Variants in SP140 observed in about 807,000 individuals in gnomAD.
The protein encoded by SP140 is SP140 nuclear body protein.
In SP140, 81 loss-of-function variants were observed where a neutral mutation model predicts 125.0. That is an observed-to-expected ratio of 0.65 (90% CI 0.54 to 0.78). The LOEUF is 0.78. Among genes scored for constraint, SP140 ranks in the 30% least tolerant of loss-of-function variants. The pLI, the probability that SP140 is intolerant of heterozygous loss-of-function variation, is 0.00. For synonymous variants in SP140, 312 were observed against 354.0 expected (o/e 0.88, Z 1.33); for missense variants, 858 against 1,037.0 (o/e 0.83, Z 2.37).
At chr2:230,286,674 A>G (rs531916302) in intron 17 of SP140, among the ~76,000 whole-genome samples, 1 of 152,330 alleles carries the variant, frequency 6.6e-6, no homozygotes, top group East Asian at 1.9e-4. Context: ...ATGTGAGTGA[A>G]GGGCTGAACC....
At chr2:230,262,106 A>C (rs2052371130) in intron 12 of SP140, among the ~76,000 whole-genome samples, 1 of 152,080 alleles carries the variant, frequency 6.6e-6, no homozygotes. Flanking sequence ...GGTAATGTTT[A>C]AATTACCATT....
In SP140 at chr2:230,285,822, C is replaced by T. The variant is rs371822208; in HGVS notation, c.1635C>T (p.Ser545=). The change falls in exon 17 of 27, where the codon TCC becomes TCT. Residue 545 remains serine, a synonymous_variant. Transcript: ENST00000392045. The part of the protein sequence containing the change: ...KKANVNLKDL[S]KIRGRKRGKP... ...CGAACGTGAATCTGAAAGACCTTTC[C>T]AAGATTAGGGGTAAGATAAAGTTTG... is the stretch of plus-strand genomic sequence containing the variant. 109 of 1,611,664 alleles carry T rather than the reference C, an allele frequency of 6.8e-5. No individual in the cohort carries two copies. The highest frequency in any genetic ancestry group is 8.7e-5 in the Non-Finnish European group (103 of 1,177,994).
chr2:230,287,813 A>G, intron 17 of SP140, 79 bp from the exon 18 acceptor site: 1 of 1,244,108 alleles, frequency 8.0e-7, no homozygotes, highest in African/African-American at 1.5e-5. Context: ...TTACATTTAA[A>G]TGGAATTTTT....
chr2:230,291,323 A>G (rs1434641150), intron 19 of SP140, among the ~76,000 whole-genome samples: 4 of 152,202 alleles, frequency 2.6e-5, no homozygotes, highest in Non-Finnish European at 5.9e-5. Flanking sequence ...TAGAGTGTAC[A>G]AATCAACTTT....
Position 230,294,309 on chromosome 2 carries a change from G to GA in SP140, c.2015dup (p.Arg673GlufsTer9), listed in dbSNP as rs746109620. Reference sequence around the variant, plus strand: ...CTGATCCTCCAAGAATACGTTACAGGAAAAAAAAGGTGATTATTACATAGC... The same window carrying GA: ...CTGATCCTCCAAGAATACGTTACAGGAAAAAAAAAGGTGATTATTACATAGC... On this transcript the variant is annotated frameshift_variant, in exon 21 of 27. Coordinates refer to ENST00000392045, the MANE Select transcript of SP140 (RefSeq NM_007237.5). LOFTEE classifies it high-confidence loss of function. 57 of 1,605,736 alleles carry GA rather than the reference G, an allele frequency of 3.5e-5. No homozygotes were observed. The highest frequency in any genetic ancestry group is 4.5e-5 in the East Asian group (2 of 44,788).
chr2:230,307,607 A>G (rs2058882295), intron 22 of SP140, among the ~76,000 whole-genome samples: 1 of 152,222 alleles, frequency 6.6e-6, no homozygotes, highest in Non-Finnish European at 1.5e-5. Context: ...GCCAGTGCTC[A>G]TGCCAGCACC....
At chr2:230,249,304 G>T (rs1045112352) in intron 9 of SP140, among the ~76,000 whole-genome samples, 1 of 152,110 alleles carries the variant, frequency 6.6e-6, no homozygotes, top group African/African-American at 2.4e-5. Context: ...GGCAACTGAC[G>T]CAGGGGAGAA....
intron 20 of SP140, among the ~76,000 whole-genome samples, chr2:230,293,674 T>G (rs2057382502): frequency 6.6e-6 from 1 of 152,080 alleles, no homozygotes; most frequent in Admixed American, 6.6e-5. Flanking sequence ...GCTTTCCCCC[T>G]AGCAAACCTA....
chr2:230,249,947 A>G (rs1317059968), intron 9 of SP140, among the ~76,000 whole-genome samples: 1 of 152,190 alleles, frequency 6.6e-6, no homozygotes, highest in African/African-American at 2.4e-5. Flanking sequence ...AGGTAGTGGA[A>G]TGATTCTCAT....
At chr2:230,295,240 A>G (rs961080346) in intron 21 of SP140, among the ~76,000 whole-genome samples, 1 of 152,242 alleles carries the variant, frequency 6.6e-6, no homozygotes, top group African/African-American at 2.4e-5. Context: ...ACATTCACAG[A>G]CTTCTAAAAC....
chr2:230,276,936 A>G (rs1223872733), intron 15 of SP140, among the ~76,000 whole-genome samples: 1 of 152,170 alleles, frequency 6.6e-6, no homozygotes, highest in Non-Finnish European at 1.5e-5. Context: ...TGAAGATGTG[A>G]TTGAATTGCT....
intron 12 of SP140, among the ~76,000 whole-genome samples, chr2:230,267,574 G>A (rs1327448682): frequency 3.3e-5 from 5 of 152,136 alleles, no homozygotes; most frequent in Non-Finnish European, 7.4e-5. Flanking sequence ...CCCATTGCAA[G>A]CCAGAGTCAT....
chr2:230,294,286 G>C lies in SP140; in HGVS notation c.1984G>C (p.Asp662His), dbSNP rs554004870. ...TGTCTTTCAGAATGGATTTCTGCCT[G>C]ATCCTCCAAGAATACGTTACAGGAA... ...RWLMENGFLPDPPRIRYRKKK... is the reference protein window; with the variant it reads ...RWLMENGFLPHPPRIRYRKKK... Residue 662 changes from aspartate (D) to histidine (H), a missense_variant, in exon 21 of 27, where the codon GAT becomes CAT. Physicochemically the swap from Asp to His is moderately conservative, Grantham distance 81. Around this residue, in one of 4 missense-constraint regions of SP140, gnomAD observed 791 missense variants for 869.5 expected, o/e 0.91. Transcript: ENST00000392045. The C allele has an allele frequency of 2.5e-6, 4 of 1,613,008 alleles. No homozygotes were observed. In the South Asian group the frequency reaches 3.3e-5, roughly 13 times the overall value.
At chr2:230,273,773 A>G (rs1363382342) in intron 15 of SP140, among the ~76,000 whole-genome samples, 1 of 152,224 alleles carries the variant, frequency 6.6e-6, no homozygotes, top group East Asian at 1.9e-4. Flanking sequence ...GCCATAAAAA[A>G]AGAATAAGAT....
chr2:230,215,601 G>A (rs535986258), intron 3 of SP140, among the ~76,000 whole-genome samples: 23 of 152,332 alleles, frequency 1.5e-4, no homozygotes, highest in African/African-American at 5.3e-4. Context: ...CCACAGAGAA[G>A]TCACCCTGAG....
chr2:230,230,818 A>G (rs1310103220), intron 1 of SP140, among the ~76,000 whole-genome samples: 1 of 152,216 alleles, frequency 6.6e-6, no homozygotes, highest in African/African-American at 2.4e-5. Context: ...ATTCTTGGCT[A>G]TCACTACTTG....
intron 22 of SP140, among the ~76,000 whole-genome samples, chr2:230,305,859 G>A (rs535711807): frequency 8.5e-5 from 13 of 152,350 alleles, no homozygotes; most frequent in Middle Eastern, 3.4e-3. Flanking sequence ...GATCTGCCCC[G>A]AGTTAGAGTG....
At chr2:230,221,087 C>T (rs1422287961), upstream of SP140, among the ~76,000 whole-genome samples, 1 of 151,692 alleles carries the variant, frequency 6.6e-6, no homozygotes, top group Non-Finnish European at 1.5e-5. Context: ...TTGAGACCAT[C>T]CTGGCCAACA....
chr2:230,295,667 C>A (rs1365654495), intron 21 of SP140, among the ~76,000 whole-genome samples: 1 of 152,184 alleles, frequency 6.6e-6, no homozygotes, highest in Non-Finnish European at 1.5e-5. Context: ...GCTTCTCTTA[C>A]TTGCAGAGCC....
Sources: gnomAD v4.1 joint callset for allele counts (sites outside exome capture counted in the v4.1 genomes callset) on GRCh38, gnomAD v4.1.1 for gene constraint, gnomAD v4.1.1 regional missense constraint, MANE v1.5 for transcripts, NCBI Gene and HGNC (gene_info 2026-07-23, HGNC 2026-07-21) for gene names.